HSD17B10: variants seen among roughly 807,000 people sequenced by gnomAD.
HSD17B10 encodes the protein hydroxysteroid 17-beta dehydrogenase 10, also known as 3-hydroxyacyl-CoA dehydrogenase type-2.
For synonymous variants in HSD17B10, 90 were observed against 85.9 expected (o/e 1.05, Z -0.26); for missense variants, 87 against 219.4 (o/e 0.40, Z 3.81).
chrX:53,433,588 AG>A, intron 2 of HSD17B10, 133 bp downstream of exon 2: 1 of 593,368 alleles, frequency 1.7e-6, no homozygotes. Flanking sequence ...TTGAAGGCTC[AG>A]GCCAAAAGAG....
At chrX:53,432,905 T>C (rs1455218022) in intron 2 of HSD17B10, 8 of 60,714 alleles carry the variant, frequency 1.3e-4, no homozygotes, top group Middle Eastern at 4.9e-3. Flanking sequence ...TAGAGCAGTG[T>C]TGCAAAAACA....
rs1235902504 is a variant in HSD17B10, at chrX:53,433,810, G to C, written c.104C>G (p.Ala35Gly). The part of the protein sequence containing the change: ...ATAERLVGQG[A>G]SAVLLDLPNS... ...GGGCAGGTCCAGAAGCACAGCAGAG[G>C]CTCCCTGCCCCACAAGTCGCTCCGC... Residue 35 changes from alanine (A) to glycine (G), a missense_variant, in exon 2 of 6, where the codon GCC becomes GGC. Coordinates refer to ENST00000168216, the MANE Select transcript of HSD17B10 (RefSeq NM_004493.3). 1 of 1,209,510 alleles carries C rather than the reference G, an allele frequency of 8.3e-7. No individual in the cohort carries two copies. Among genetic ancestry groups the C allele is most frequent in the East Asian group, 3.0e-5 (1 of 33,794 alleles).
intron 2 of HSD17B10, chrX:53,432,663 A>G: frequency 2.6e-6 from 1 of 382,269 alleles, no homozygotes; most frequent in Non-Finnish European, 4.6e-6. Flanking sequence ...CAGCCTGGCC[A>G]ACGTGGTGAA....
chrX:53,433,294 CAAAAAT>C (rs2075832919), intron 2 of HSD17B10, among the ~76,000 whole-genome samples: 1 of 111,663 alleles, frequency 9.0e-6, no homozygotes, highest in Non-Finnish European at 1.9e-5. Flanking sequence ...GACTCCATCT[CAAAAAT>C]AAAAATAAAA....
At chrX:53,434,118 A>T (rs2075835881) in intron 1 of HSD17B10, 3 of 552,744 alleles carry the variant, frequency 5.4e-6, no homozygotes, top group Non-Finnish European at 9.3e-6. Flanking sequence ...GATGATTGAT[A>T]GATAGATAGA....
At position 53,433,936 on chromosome X, in the gene HSD17B10, C is replaced by T. The variant is rs188543395; in HGVS notation, c.28-50G>A. The T allele has an allele frequency of 5.4e-5, 62 of 1,154,086 alleles. No individual in the cohort carries two copies. In the African/African-American group the frequency reaches 9.6e-4, roughly 18 times the overall value. On this transcript the variant is annotated intron_variant, in intron 1 of 5. Coordinates refer to ENST00000168216, the MANE Select transcript of HSD17B10 (RefSeq NM_004493.3). ...TCAGCTGTTACATTGCCCAGACCATCCCCACGCTGTCGCCTGCCTGTTCTC... is the reference window on the plus strand; with the variant it reads ...TCAGCTGTTACATTGCCCAGACCATTCCCACGCTGTCGCCTGCCTGTTCTC...
At chrX:53,434,156 G>A (rs2075836149) in intron 1 of HSD17B10, 163 bp downstream of exon 1, 1 of 588,311 alleles carries the variant, frequency 1.7e-6, no homozygotes, top group Non-Finnish European at 2.9e-6. Context: ...AGACAGATGC[G>A]CCGCGGAGTG....
Position 53,433,633 on chromosome X carries a change from G to C in HSD17B10, c.192+89C>G, listed in dbSNP as rs959239647. The C allele has an allele frequency of 1.0e-5, 9 of 888,682 alleles. No individual in the cohort carries two copies. In the Admixed American group the frequency reaches 2.1e-4, roughly 20 times the overall value. The allele number at this position is 888,682 out of a possible 1,213,427, so 73.2% of individuals were successfully genotyped here. On this transcript the variant is annotated intron_variant, in intron 2 of 5. Coordinates refer to ENST00000168216, the MANE Select transcript of HSD17B10 (RefSeq NM_004493.3). ...ATGGGTCTACCGCCCCCATAGAGGAGACCCTTATGGGAGGGACCCCCACAG... is the reference window on the plus strand; with the variant it reads ...ATGGGTCTACCGCCCCCATAGAGGACACCCTTATGGGAGGGACCCCCACAG...
intron 1 of HSD17B10, 173 bp downstream of exon 1, chrX:53,434,146 A>G: frequency 1.7e-6 from 1 of 582,213 alleles, no homozygotes; most frequent in Non-Finnish European, 2.9e-6. Context: ...ACAGACAGAC[A>G]GACAGATGCG....
intron 3 of HSD17B10, 31 bp from the exon 4 acceptor site, chrX:53,432,147 C>T (rs1216229902): frequency 8.3e-7 from 1 of 1,209,322 alleles, no homozygotes; most frequent in East Asian, 3.0e-5. Flanking sequence ...TGCTATAGGA[C>T]CTGAGGCAGA....
rs1556894899 is a variant in HSD17B10 at position 53,433,714 on chromosome X, C to T, written c.192+8G>A. ...ACACCCTGGGAGAGGAGAGGTGACC[C>T]CACTTACGTCGGCTGGGGCGAAAAC... On this transcript the variant is annotated splice_region_variant and intron_variant, in intron 2 of 5. Coordinates refer to ENST00000168216, the MANE Select transcript of HSD17B10 (RefSeq NM_004493.3). 8.3e-7 allele frequency: 1 copy of T among 1,200,521 alleles called. No homozygotes were observed. The highest frequency in any genetic ancestry group is 1.7e-5 in the African/African-American group (1 of 57,786).
In HSD17B10 at chrX:53,431,785, G is replaced by A; in HGVS notation, c.595+13C>T. 1 of 1,177,401 alleles carries A rather than the reference G, an allele frequency of 8.5e-7. No homozygotes were observed. On this transcript the variant is annotated intron_variant, in intron 5 of 5. Coordinates refer to ENST00000168216, the MANE Select transcript of HSD17B10 (RefSeq NM_004493.3). ...CCAATCCCAGGTATGATGGAGAGAGGGGATATGTCTACCTGGGGCAATGGT... is the reference window on the plus strand; with the variant it reads ...CCAATCCCAGGTATGATGGAGAGAGAGGATATGTCTACCTGGGGCAATGGT...
rs782158864 is a variant in HSD17B10 at position 53,433,770 on chromosome X, C to T, written c.144G>A (p.Glu48=). The change falls in exon 2 of 6, where the codon GAG becomes GAA. Residue 48 remains glutamate, a synonymous_variant. Transcript: ENST00000168216. The part of the protein sequence containing the change: ...VLLDLPNSGG[E]AQAKKLGNNC... ...TGTTTCCTAACTTCTTGGCTTGGGC[C>T]TCCCCACCCGAGTTGGGCAGGTCCA... is the stretch of plus-strand genomic sequence containing the variant. 8 of 1,208,639 alleles carry T rather than the reference C, an allele frequency of 6.6e-6. No homozygotes were observed. The highest frequency in any genetic ancestry group is 3.5e-5 in the African/African-American group (2 of 57,568).
At position 53,432,322 on chromosome X, in the gene HSD17B10, G is replaced by A. The variant is rs782725629; in HGVS notation, c.282C>T (p.Ile94=). The A allele has an allele frequency of 3.3e-6, 4 of 1,208,417 alleles. No homozygotes were observed. Among genetic ancestry groups the A allele is most frequent in the African/African-American group, 1.8e-5 (1 of 57,080 alleles). ...AGTTGTACGTCTTGCTAGCCACCGC[G>A]ATGCCTGCACAGTTGACAGCTACAT... is the stretch of plus-strand genomic sequence containing the variant. ...RVDVAVNCAG[I]AVASKTYNLK... is the part of the protein sequence containing the mutation. The change falls in exon 3 of 6, where the codon ATC becomes ATT. Residue 94 remains isoleucine (I), a synonymous_variant. Coordinates refer to ENST00000168216, the MANE Select transcript of HSD17B10 (RefSeq NM_004493.3).
chrX:53,432,761 T>A (rs1416935952), intron 2 of HSD17B10: 2 of 262,895 alleles, frequency 7.6e-6, no homozygotes, highest in African/African-American at 5.7e-5. Context: ...GGCAGAAGAA[T>A]CGCTTGAACC....
chrX:53,431,850 G>A lies in HSD17B10; in HGVS notation c.543C>T (p.Pro181=), dbSNP rs2075826144. 1 of 1,211,087 alleles carries A rather than the reference G, an allele frequency of 8.3e-7. No homozygotes were observed. Among genetic ancestry groups the A allele is most frequent in the East Asian group, 3.0e-5 (1 of 33,836 alleles). Residue 181 remains proline, a synonymous_variant, in exon 5 of 6, where the codon CCC becomes CCT. Coordinates refer to ENST00000168216, the MANE Select transcript of HSD17B10 (RefSeq NM_004493.3). ...CTATGGGAGCCAGATCCCGAGCAAT[G>A]GGCAGTGTCATGCCCACTATTCCCC... ...SKGGIVGMTL[P]IARDLAPIGI... is the part of the protein sequence containing the mutation.
intron 2 of HSD17B10, 59 bp from the exon 3 acceptor site, chrX:53,432,470 C>A: frequency 9.8e-7 from 1 of 1,019,654 alleles, no homozygotes; most frequent in Non-Finnish European, 1.4e-6. Flanking sequence ...TCCCACTAAA[C>A]CTGAGGGAGG....
chrX:53,432,312 T>C lies in HSD17B10; in HGVS notation c.292A>G (p.Ser98Gly), dbSNP rs1173049836. The C allele has an allele frequency of 8.3e-7, 1 of 1,209,194 alleles. No homozygotes were observed. The highest frequency in any genetic ancestry group is 1.7e-5 in the African/African-American group (1 of 57,149). ...AVNCAGIAVA[S>G]KTYNLKKGQT... ...CCCTTCTTTAAGTTGTACGTCTTGC[T>C]AGCCACCGCGATGCCTGCACAGTTG... Residue 98 changes from serine (S) to glycine (G), a missense_variant, in exon 3 of 6, where the codon AGC (serine) becomes GGC (glycine). Physicochemically the swap from Ser to Gly is moderately conservative, Grantham distance 56 (BLOSUM62 0). Transcript: ENST00000168216.
chrX:53,431,621 C>T (rs781871136), intron 5 of HSD17B10, 27 bp from the exon 6 acceptor site: 3 of 1,145,374 alleles, frequency 2.6e-6, no homozygotes, highest in Admixed American at 2.4e-5. Context: ...AATTCAGAGA[C>T]TCACCCTTGC....
Sources: gnomAD v4.1 joint callset for allele counts (sites outside exome capture counted in the v4.1 genomes callset) on GRCh38, gnomAD v4.1.1 for gene constraint, MANE v1.5 for transcripts, NCBI Gene and HGNC (gene_info 2026-07-23, HGNC 2026-07-21) for gene names.